The following LPCAT2 variants were observed in gnomAD, a reference collection of about 807,000 sequenced individuals.
LPCAT2 encodes the protein 1-AGP acyltransferase 11.
Under a neutral mutation model 64.7 loss-of-function variants are expected in LPCAT2, and 58 were observed. The ratio of observed to expected loss-of-function variants is 0.90; its 90% confidence interval spans 0.73 to 1.12. The LOEUF (loss-of-function observed/expected upper bound fraction) is 1.12, where lower values mean the gene tolerates loss of function less well. Among genes scored for constraint, LPCAT2 ranks in the 50% most tolerant of loss-of-function variants. The pLI, the probability that LPCAT2 is intolerant of heterozygous loss-of-function variation, is 0.00. For missense variants in LPCAT2, 579 were observed against 669.8 expected, an observed-to-expected ratio of 0.86 and a Z score of 1.50; for synonymous variants, 252 against 245.3, an observed-to-expected ratio of 1.03 and a Z score of -0.26.
At chr16:55,527,714 A>G (rs1963191540) in intron 2 of LPCAT2, among the ~76,000 whole-genome samples, 2 of 152,140 alleles carry the variant, frequency 1.3e-5, no homozygotes, top group Admixed American at 1.3e-4. Flanking sequence ...ATCTTTTTTA[A>G]AGGTTTTTTA....
intron 12 of LPCAT2, 38 bp downstream of exon 12, chr16:55,574,767 T>G (rs1398425007): frequency 7.1e-7 from 1 of 1,408,322 alleles, no homozygotes; most frequent in East Asian, 2.3e-5. Context: ...TGGTCTGCCT[T>G]GTAAACAAGT....
At chr16:55,532,738 C>T in intron 5 of LPCAT2, 86 bp from the exon 6 acceptor site, 1 of 818,282 alleles carries the variant, frequency 1.2e-6, no homozygotes, top group Non-Finnish European at 2.0e-6. Context: ...AATATTCAGT[C>T]TATTTATACT....
intron 11 of LPCAT2, among the ~76,000 whole-genome samples, chr16:55,554,245 C>A (rs1021244380): frequency 2.0e-5 from 3 of 152,200 alleles, no homozygotes; most frequent in Non-Finnish European, 4.4e-5. Context: ...GCATTGATTT[C>A]TCTCTAGGTA....
Position 55,542,572 on chromosome 16 carries a change from C to T in LPCAT2, c.853-3163C>T, listed in dbSNP as rs191603992. 2.2e-4 allele frequency among the ~76,000 whole-genome samples: 33 copies of T among 151,862 alleles called. No homozygotes were observed. In the East Asian group the frequency reaches 6.4e-3, roughly 29 times the overall value. Reference sequence around the variant, plus strand: ...ATGAAGGCAAGATCAGGAGAGGTGGCTGAGGATGTGTGATTGGCACTGTGG... The same window carrying T: ...ATGAAGGCAAGATCAGGAGAGGTGGTTGAGGATGTGTGATTGGCACTGTGG... On this transcript the variant is annotated intron_variant, in intron 8 of 13. Transcript: ENST00000262134.
intron 12 of LPCAT2, among the ~76,000 whole-genome samples, chr16:55,575,190 A>AT (rs1368913154): frequency 6.6e-6 from 1 of 152,190 alleles, no homozygotes; most frequent in Admixed American, 6.5e-5. Context: ...GGTGAACACC[A>AT]TCATAAATGT....
At chr16:55,545,515 T>G in intron 8 of LPCAT2, 1 of 381,480 alleles carries the variant, frequency 2.6e-6, no homozygotes, top group Non-Finnish European at 4.7e-6. Flanking sequence ...AGAGTTGAAA[T>G]GGTTCATCAA....
At position 55,532,929 on chromosome 16, in the gene LPCAT2, G is replaced by A. The variant is rs1328912769; in HGVS notation, c.762+47G>A. Reference sequence around the variant, plus strand: ...AGGAAGAATTTCAGTATTCCAAGTAGCACAGATTCTCTGGGACCCCTTTTA... The same window carrying A: ...AGGAAGAATTTCAGTATTCCAAGTAACACAGATTCTCTGGGACCCCTTTTA... On this transcript the variant is annotated intron_variant, in intron 6 of 13. Transcript: ENST00000262134. 7 of 1,483,890 alleles carry A rather than the reference G, an allele frequency of 4.7e-6. No individual in the cohort carries two copies. In the East Asian group the frequency reaches 9.1e-5, roughly 19 times the overall value. 91.9% of individuals were successfully genotyped at this position (1,483,890 alleles called of 1,614,324 possible).
In LPCAT2 at chr16:55,583,126, AG is replaced by A. The variant is rs767480818; in HGVS notation, c.*29del. The stretch of plus-strand genomic sequence containing the variant: ...GCAGTATTTCCAATAAGGAAAACAC[AG>A]TAGCTTTTGCTTGAAATTGTAAAGG... On this transcript the variant is annotated 3_prime_UTR_variant, in exon 14 of 14. Coordinates refer to ENST00000262134, the MANE Select transcript of LPCAT2 (RefSeq NM_017839.5). The A allele has an allele frequency of 1.9e-6, 3 of 1,545,544 alleles. No homozygotes were observed. The South Asian group carries it at 3.8e-5, about 19-fold the overall frequency.
At chr16:55,513,671 C>T (rs1185125694) in intron 1 of LPCAT2, among the ~76,000 whole-genome samples, 1 of 152,142 alleles carries the variant, frequency 6.6e-6, no homozygotes, top group Non-Finnish European at 1.5e-5. Flanking sequence ...TCATCCTCAG[C>T]TCTGTAGTAG....
intron 11 of LPCAT2, among the ~76,000 whole-genome samples, chr16:55,554,125 G>A (rs1963548893): frequency 1.3e-5 from 2 of 151,842 alleles, no homozygotes; most frequent in South Asian, 2.1e-4. Flanking sequence ...AATGTTTAAG[G>A]GCCCTTGGAT....
At chr16:55,512,711 G>A (rs1173665751) in intron 1 of LPCAT2, among the ~76,000 whole-genome samples, 1 of 152,214 alleles carries the variant, frequency 6.6e-6, no homozygotes, top group Non-Finnish European at 1.5e-5. Flanking sequence ...CTGGAAGGAA[G>A]AAGAAACTGA....
At chr16:55,538,537 G>A (rs1963352305) in intron 8 of LPCAT2, 13 of 151,972 alleles carry the variant, frequency 8.6e-5, no homozygotes. Context: ...TGATTTAGGA[G>A]GGCAAATTAC....
At chr16:55,552,374 T>C (rs1963527449) in intron 11 of LPCAT2, among the ~76,000 whole-genome samples, 1 of 152,222 alleles carries the variant, frequency 6.6e-6, no homozygotes, top group Non-Finnish European at 1.5e-5. Flanking sequence ...TGTGTACAGT[T>C]GGGGGCAAAT....
chr16:55,528,714 ATTTAC>A (rs1358642387), intron 3 of LPCAT2, 120 bp downstream of exon 3: 156 of 734,962 alleles, frequency 2.1e-4, no homozygotes, highest in African/African-American at 8.8e-4. Context: ...TTTCAAACAT[ATTTAC>A]TTTATTGTAA....
intron 11 of LPCAT2, among the ~76,000 whole-genome samples, chr16:55,556,403 A>G (rs1963574998): frequency 6.6e-6 from 1 of 152,156 alleles, no homozygotes; most frequent in Non-Finnish European, 1.5e-5. Flanking sequence ...CAGGATTTTT[A>G]ATCAAAATTA....
intron 7 of LPCAT2, among the ~76,000 whole-genome samples, chr16:55,536,223 C>A (rs1488423489): frequency 6.6e-6 from 1 of 152,034 alleles, no homozygotes; most frequent in African/African-American, 2.4e-5. Flanking sequence ...GATTTTATAC[C>A]AAAACGAATA....
intron 3 of LPCAT2, 81 bp downstream of exon 3, chr16:55,528,675 T>C (rs1279742593): frequency 9.4e-7 from 1 of 1,058,382 alleles, no homozygotes; most frequent in Non-Finnish European, 1.4e-6. Flanking sequence ...AGTTCATTGA[T>C]AACCTTTTTA....
At chr16:55,550,040 T>A (rs1305390504) in intron 10 of LPCAT2, among the ~76,000 whole-genome samples, 1 of 152,182 alleles carries the variant, frequency 6.6e-6, no homozygotes, top group East Asian at 1.9e-4. Context: ...TAACATCCTG[T>A]CTATGAAGGA....
intron 1 of LPCAT2, among the ~76,000 whole-genome samples, chr16:55,523,112 T>G (rs1172589394): frequency 6.6e-6 from 1 of 151,434 alleles, no homozygotes; most frequent in Non-Finnish European, 1.5e-5. Flanking sequence ...AGAAAAAGAC[T>G]AACAAACCAG....
Sources: gnomAD v4.1 joint callset for allele counts (sites outside exome capture counted in the v4.1 genomes callset) on GRCh38, gnomAD v4.1.1 for gene constraint, MANE v1.5 for transcripts, NCBI Gene and HGNC (gene_info 2026-07-23, HGNC 2026-07-21) for gene names.